Variants in DTNB observed in about 807,000 individuals in gnomAD.
DTNB encodes DTN-B.
Under a neutral mutation model 90.7 loss-of-function variants are expected in DTNB, and 63 were observed. The observed-to-expected ratio is 0.69, with a 90% CI of 0.57 to 0.86. The LOEUF is 0.86. Among genes scored for constraint, DTNB ranks in the 40% least tolerant of loss-of-function variants. The probability of loss-of-function intolerance (pLI) is 0.00; values close to 1 mark genes in which losing one functional copy is unlikely to be tolerated. For missense variants in DTNB, 744 were observed against 807.1 expected (o/e 0.92, Z 0.95); for synonymous variants, 277 against 286.7 (o/e 0.97, Z 0.34).
intron 9 of DTNB, among the ~76,000 whole-genome samples, chr2:25,523,168 A>T (rs1351292994): frequency 6.6e-6 from 1 of 152,236 alleles, no homozygotes; most frequent in Non-Finnish European, 1.5e-5. Flanking sequence ...AGCCTACTGC[A>T]ACTATATAAA....
At chr2:25,411,136 A>C (rs1238754715) in intron 16 of DTNB, among the ~76,000 whole-genome samples, 1 of 152,028 alleles carries the variant, frequency 6.6e-6, no homozygotes, top group Admixed American at 6.5e-5. Context: ...AGGCAGGCAG[A>C]TCACCTGAGG....
At chr2:25,474,558 A>C (rs890337950) in intron 10 of DTNB, among the ~76,000 whole-genome samples, 1 of 152,198 alleles carries the variant, frequency 6.6e-6, no homozygotes, top group African/African-American at 2.4e-5. Flanking sequence ...TAAAAAAACA[A>C]AAACATAGTG....
intron 8 of DTNB, among the ~76,000 whole-genome samples, chr2:25,551,293 CTATATT>C (rs1238198968): frequency 6.6e-6 from 1 of 152,164 alleles, no homozygotes; most frequent in Non-Finnish European, 1.5e-5. Flanking sequence ...TTATATTTAC[CTATATT>C]TAAAGTTTCC....
At chr2:25,433,765 T>G in intron 13 of DTNB, 145 bp downstream of exon 13, 1 of 783,354 alleles carries the variant, frequency 1.3e-6, no homozygotes, top group Non-Finnish European at 2.1e-6. Flanking sequence ...TCCAGGGCAT[T>G]CCCTGGACTT....
intron 9 of DTNB, among the ~76,000 whole-genome samples, chr2:25,484,789 T>G (rs1438388990): frequency 6.6e-6 from 1 of 152,228 alleles, no homozygotes; most frequent in Non-Finnish European, 1.5e-5. Context: ...AATTCCAAGT[T>G]ATTTATCTGA....
At chr2:25,555,196 C>T (rs1298423675) in intron 8 of DTNB, among the ~76,000 whole-genome samples, 2 of 145,272 alleles carry the variant, frequency 1.4e-5, no homozygotes, top group African/African-American at 5.1e-5. Context: ...GAGGCTGAGG[C>T]AGGAGAATGA....
At chr2:25,487,426 T>G (rs965394488) in intron 9 of DTNB, among the ~76,000 whole-genome samples, 1 of 152,204 alleles carries the variant, frequency 6.6e-6, no homozygotes, top group African/African-American at 2.4e-5. Flanking sequence ...ACTTAAAGTA[T>G]ATGGGAGTAT....
intron 8 of DTNB, among the ~76,000 whole-genome samples, chr2:25,544,166 G>A (rs1286692497): frequency 6.6e-6 from 1 of 152,214 alleles, no homozygotes; most frequent in Non-Finnish European, 1.5e-5. Context: ...GGGTCATGAA[G>A]GTGAGTCAGG....
At chr2:25,651,911 C>T (rs1244612646) in intron 2 of DTNB, among the ~76,000 whole-genome samples, 2 of 152,108 alleles carry the variant, frequency 1.3e-5, no homozygotes, top group African/African-American at 4.8e-5. Flanking sequence ...GAAAGGTTTC[C>T]TAATCTCTGG....
At chr2:25,643,682 T>C (rs2078838352) in intron 2 of DTNB, among the ~76,000 whole-genome samples, 1 of 152,168 alleles carries the variant, frequency 6.6e-6, no homozygotes, top group Non-Finnish European at 1.5e-5. Context: ...ATTATTCAAG[T>C]AGGGCAGAGG....
chr2:25,458,877 C>G (rs1345070238), intron 10 of DTNB, among the ~76,000 whole-genome samples: 1 of 152,082 alleles, frequency 6.6e-6, no homozygotes, highest in Admixed American at 6.6e-5. Context: ...GATCTCCCGA[C>G]CTCGTGATCC....
Position 25,580,699 on chromosome 2 carries a change from G to T in DTNB, c.709+22C>A, listed in dbSNP as rs186453688. On this transcript the variant is annotated intron_variant, in intron 7 of 20. Coordinates refer to ENST00000406818, the MANE Select transcript of DTNB (RefSeq NM_021907.5). Reference sequence around the variant, plus strand: ...TATACTTTCTATAGCATGCGGAATTGAACAATAAAAGTTCTGCTTACCATT... The same window carrying T: ...TATACTTTCTATAGCATGCGGAATTTAACAATAAAAGTTCTGCTTACCATT... 76 of 1,598,600 alleles carry T rather than the reference G, an allele frequency of 4.8e-5. No homozygotes were observed. The African/African-American group carries it at 9.4e-4, about 20-fold the overall frequency.
intron 9 of DTNB, among the ~76,000 whole-genome samples, chr2:25,500,053 C>T (rs1278966651): frequency 6.6e-6 from 1 of 151,958 alleles, no homozygotes; most frequent in Non-Finnish European, 1.5e-5. Context: ...ACCACCATAT[C>T]CAGTTAATTT....
intron 19 of DTNB, among the ~76,000 whole-genome samples, chr2:25,380,072 C>T (rs927730498): frequency 1.3e-5 from 2 of 152,124 alleles, no homozygotes; most frequent in African/African-American, 2.4e-5. Context: ...CAGGGAGAGG[C>T]GTGAGGCAGG....
intron 17 of DTNB, 125 bp downstream of exon 17, chr2:25,388,073 ACTGT>A: frequency 2.8e-6 from 4 of 1,441,546 alleles, no homozygotes; most frequent in Non-Finnish European, 3.7e-6. Context: ...ACTTATTTAC[ACTGT>A]CTGTCAAAAT....
At chr2:25,511,983 T>C (rs867267682) in intron 9 of DTNB, among the ~76,000 whole-genome samples, 1 of 152,176 alleles carries the variant, frequency 6.6e-6, no homozygotes, top group African/African-American at 2.4e-5. Flanking sequence ...ACCAAGGATG[T>C]AGATTATTCA....
intron 4 of DTNB, among the ~76,000 whole-genome samples, chr2:25,627,865 T>C (rs966630751): frequency 2.0e-5 from 3 of 151,876 alleles, no homozygotes; most frequent in Non-Finnish European, 4.4e-5. Context: ...GCCTCCTAAG[T>C]AGCTGAGACT....
intron 9 of DTNB, chr2:25,497,423 C>T (rs1401395973): frequency 2.6e-5 from 4 of 152,182 alleles, no homozygotes; most frequent in African/African-American, 9.7e-5. Context: ...TTCTAATTGC[C>T]AACTCTTGAT....
chr2:25,473,596 A>C (rs1467994881), intron 10 of DTNB, among the ~76,000 whole-genome samples: 1 of 152,200 alleles, frequency 6.6e-6, no homozygotes, highest in Non-Finnish European at 1.5e-5. Flanking sequence ...GCATGTATGC[A>C]TGTCAGGTTC....
Sources: allele counts gnomAD v4.1 joint callset (sites outside exome capture counted in the v4.1 genomes callset), GRCh38; gene constraint gnomAD v4.1.1; transcripts MANE v1.5; gene names NCBI Gene and HGNC (gene_info 2026-07-23, HGNC 2026-07-21).